The following VEZT variants were observed in gnomAD, a reference collection of about 807,000 sequenced individuals.
VEZT encodes vezatin.
A neutral mutation model predicts 79.9 loss-of-function variants in VEZT; 39 were observed. The observed-to-expected ratio is 0.49, with a 90% confidence interval of 0.38 to 0.64. VEZT has a LOEUF of 0.64. VEZT is among the 30% of genes least tolerant of loss of function. The probability of loss-of-function intolerance (pLI) is 0.00; values close to 1 mark genes in which losing one functional copy is unlikely to be tolerated. For missense variants in VEZT, 837 were observed against 893.1 expected, an observed-to-expected ratio of 0.94 and a Z score of 0.80; for synonymous variants, 325 against 327.6, an observed-to-expected ratio of 0.99 and a Z score of 0.09.
intron 1 of VEZT, among the ~76,000 whole-genome samples, chr12:95,250,517 G>C (rs1389284375): frequency 6.6e-6 from 1 of 151,600 alleles, no homozygotes; most frequent in Non-Finnish European, 1.5e-5. Context: ...TGGCCAGGCT[G>C]GTCTTGAACT....
intron 5 of VEZT, among the ~76,000 whole-genome samples, chr12:95,268,180 T>G (rs754280159): frequency 6.6e-6 from 1 of 151,728 alleles, no homozygotes; most frequent in Non-Finnish European, 1.5e-5. Context: ...TTTAAAAGTT[T>G]AAAAAAATCA....
At position 95,241,452 on chromosome 12, in the gene VEZT, A is replaced by C. The variant is rs1280327413; in HGVS notation, c.37-10488A>C. ...CCCAAGTAGCTGGGACCAGAGGCGCACACCACCATTTCTGGCTAATTTTTT... is the reference window on the plus strand; with the variant it reads ...CCCAAGTAGCTGGGACCAGAGGCGCCCACCACCATTTCTGGCTAATTTTTT... On this transcript the variant is annotated intron_variant, in intron 1 of 11. Coordinates refer to ENST00000436874, the MANE Select transcript of VEZT (RefSeq NM_017599.4). Among the ~76,000 whole-genome samples, 7 of 152,146 alleles carry C rather than the reference A, an allele frequency of 4.6e-5. No homozygotes were observed. In the East Asian group the frequency reaches 9.7e-4, roughly 21 times the overall value.
intron 5 of VEZT, among the ~76,000 whole-genome samples, chr12:95,269,235 G>T (rs1046782483): frequency 1.3e-5 from 2 of 152,184 alleles, no homozygotes. Flanking sequence ...CATATATACT[G>T]TAAGTTATGA....
intron 2 of VEZT, among the ~76,000 whole-genome samples, chr12:95,255,657 T>C (rs982974338): frequency 6.6e-6 from 1 of 152,128 alleles, no homozygotes; most frequent in Non-Finnish European, 1.5e-5. Context: ...GATCTCGAAC[T>C]CCTGACCTTG....
At chr12:95,267,299 A>G (rs1382851779) in intron 5 of VEZT, among the ~76,000 whole-genome samples, 3 of 152,244 alleles carry the variant, frequency 2.0e-5, no homozygotes, top group Non-Finnish European at 4.4e-5. Flanking sequence ...ATAGAATTAT[A>G]AATGGTAAAT....
intron 9 of VEZT, among the ~76,000 whole-genome samples, chr12:95,293,178 G>A (rs919719752): frequency 6.6e-6 from 1 of 152,136 alleles, no homozygotes; most frequent in African/African-American, 2.4e-5. Flanking sequence ...CTAGAAAGCA[G>A]CAAGAGCTGG....
At chr12:95,253,633 T>A (rs544488741) in intron 2 of VEZT, among the ~76,000 whole-genome samples, 1 of 152,336 alleles carries the variant, frequency 6.6e-6, no homozygotes, top group Non-Finnish European at 1.5e-5. Context: ...TAATTTTTTG[T>A]TTTGTTTTGT....
chr12:95,230,300 T>C (rs886918081), intron 1 of VEZT, among the ~76,000 whole-genome samples: 1 of 152,192 alleles, frequency 6.6e-6, no homozygotes, highest in Non-Finnish European at 1.5e-5. Context: ...ATTTATGTAG[T>C]TGACAGAATA....
At position 95,287,700 on chromosome 12, in the gene VEZT, T is replaced by G; in HGVS notation, c.1365T>G (p.Val455=). 1 of 1,586,986 alleles carries G rather than the reference T, an allele frequency of 6.3e-7. No individual in the cohort carries two copies. The highest frequency in any genetic ancestry group is 8.6e-7 in the Non-Finnish European group (1 of 1,165,390). Residue 455 remains valine, a synonymous_variant, in exon 9 of 12, where the codon GTT becomes GTG. Coordinates refer to ENST00000436874, the MANE Select transcript of VEZT (RefSeq NM_017599.4). Reference sequence around the variant, plus strand: ...TTGAAGATGAACTTGAAAAGCTTGTTTGTACTAAAGAAACACAAGAACTAG... The same window carrying G: ...TTGAAGATGAACTTGAAAAGCTTGTGTGTACTAAAGAAACACAAGAACTAG... ...IILEDELEKL[V]CTKETQELVS... is the part of the protein sequence containing the mutation.
chr12:95,261,673 A>C (rs1253669251), intron 3 of VEZT, among the ~76,000 whole-genome samples: 1 of 152,226 alleles, frequency 6.6e-6, no homozygotes, highest in Non-Finnish European at 1.5e-5. Flanking sequence ...GGCCTACCAA[A>C]GTGCTGGGAC....
chr12:95,231,051 A>G (rs1486656821), intron 1 of VEZT, among the ~76,000 whole-genome samples: 4 of 152,150 alleles, frequency 2.6e-5, no homozygotes, highest in Non-Finnish European at 5.9e-5. Flanking sequence ...GTATCTTTGT[A>G]CTGTTGTATA....
chr12:95,251,061 AGTGCAG>A (rs2062520861), intron 1 of VEZT, among the ~76,000 whole-genome samples: 1 of 151,882 alleles, frequency 6.6e-6, no homozygotes, highest in African/African-American at 2.4e-5. Context: ...CCCAGGCTGG[AGTGCAG>A]TGGCGTGATC....
chr12:95,287,823 C>G lies in VEZT; in HGVS notation c.1488C>G (p.Val496=). 1.2e-6 allele frequency: 2 copies of G among 1,604,950 alleles called. No individual in the cohort carries two copies. The highest frequency in any genetic ancestry group is 1.7e-6 in the Non-Finnish European group (2 of 1,175,374). Residue 496 remains valine (V), a synonymous_variant, in exon 9 of 12, where the codon GTC becomes GTG. Transcript: ENST00000436874. ...GCTGGGAAGAGGCCATTTCTCAGGT[C>G]GACAAACTGCTACGAAGAAATACAG... ...NNCWEEAISQ[V]DKLLRRNTDK... is the part of the protein sequence containing the mutation.
intron 9 of VEZT, among the ~76,000 whole-genome samples, chr12:95,288,614 G>T (rs1021037113): frequency 6.6e-6 from 1 of 152,122 alleles, no homozygotes; most frequent in African/African-American, 2.4e-5. Context: ...TTATTTTTGT[G>T]TTTACAGCTA....
At chr12:95,295,950 CTT>C in intron 10 of VEZT, 99 bp from the exon 11 acceptor site, 1 of 893,688 alleles carries the variant, frequency 1.1e-6, no homozygotes, top group Non-Finnish European at 1.6e-6. Flanking sequence ...AATGCAAGTC[CTT>C]TTTTTTTAAT....
intron 2 of VEZT, among the ~76,000 whole-genome samples, chr12:95,254,339 C>CTTTTTTTTT (rs34968028): frequency 4.3e-5 from 3 of 69,402 alleles, no homozygotes; most frequent in African/African-American, 1.2e-4. Flanking sequence ...AAACGAAGTT[C>CTTTTTTTTT]TTTTTTTTTT....
chr12:95,297,693 T>C (rs1193801707), intron 11 of VEZT, among the ~76,000 whole-genome samples: 1 of 152,224 alleles, frequency 6.6e-6, no homozygotes, highest in East Asian at 1.9e-4. Flanking sequence ...AAACTCTTTT[T>C]CCTGTTTTCA....
chr12:95,239,573 C>G (rs1336970041), intron 1 of VEZT, among the ~76,000 whole-genome samples: 1 of 152,168 alleles, frequency 6.6e-6, no homozygotes, highest in South Asian at 2.1e-4. Context: ...GCTCTGAGAT[C>G]AGCTCTTCTG....
At chr12:95,246,264 A>G (rs1438480508) in intron 1 of VEZT, among the ~76,000 whole-genome samples, 1 of 152,144 alleles carries the variant, frequency 6.6e-6, no homozygotes, top group Non-Finnish European at 1.5e-5. Context: ...CTGAGATTAC[A>G]GACATGTGCC....
Sources: gnomAD v4.1 joint callset for allele counts (sites outside exome capture counted in the v4.1 genomes callset) on GRCh38, gnomAD v4.1.1 for gene constraint, MANE v1.5 for transcripts, NCBI Gene and HGNC (gene_info 2026-07-23, HGNC 2026-07-21) for gene names.